Variants in SAMD5 observed in about 807,000 individuals in gnomAD.
The protein encoded by SAMD5 is sterile alpha motif domain containing 5, also known as sterile alpha motif domain-containing protein 5.
In SAMD5, 13 loss-of-function variants were observed where a neutral mutation model predicts 11.3. That is an observed-to-expected ratio of 1.15 (90% CI 0.75 to 1.83). The LOEUF (loss-of-function observed/expected upper bound fraction) is 1.83. Ranked by LOEUF, SAMD5 falls within the 40% of genes most tolerant of loss-of-function variation. The pLI is 0.00. For synonymous variants in SAMD5, 129 were observed against 111.3 expected, an observed-to-expected ratio of 1.16 and a Z score of -1.00; for missense variants, 255 against 239.1, an observed-to-expected ratio of 1.07 and a Z score of -0.44.
intron 1 of SAMD5, among the ~76,000 whole-genome samples, chr6:147,649,868 A>T (rs1790458497): frequency 6.6e-6 from 1 of 151,558 alleles, no homozygotes; most frequent in South Asian, 2.1e-4. Flanking sequence ...AACATGGCTC[A>T]GTGACCGCTC....
At chr6:147,887,591 G>A in the SAMD5 span, among the ~76,000 whole-genome samples, 5 of 152,024 alleles carry the variant, frequency 3.3e-5, no homozygotes, top group African/African-American at 7.3e-5. Context: ...ATGGACATTT[G>A]GGTTGATTCC....
chr6:147,774,653 A>C, the SAMD5 span, among the ~76,000 whole-genome samples: 1 of 151,856 alleles, frequency 6.6e-6, no homozygotes, highest in African/African-American at 2.4e-5. Flanking sequence ...AGTTGGTTGA[A>C]TCTGTGGTTG....
intron 1 of SAMD5, among the ~76,000 whole-genome samples, chr6:147,534,413 C>T (rs1340812572): frequency 6.6e-6 from 1 of 152,164 alleles, no homozygotes; most frequent in African/African-American, 2.4e-5. Flanking sequence ...CACCCAAGGG[C>T]TTTACCTTGC....
the SAMD5 span, among the ~76,000 whole-genome samples, chr6:147,791,641 A>G: frequency 6.6e-6 from 1 of 152,134 alleles, no homozygotes; most frequent in Non-Finnish European, 1.5e-5. Flanking sequence ...GTTTCATTGT[A>G]TTTTTGTATT....
chr6:147,562,086 G>C (rs1788959425), intron 1 of SAMD5, among the ~76,000 whole-genome samples: 1 of 152,208 alleles, frequency 6.6e-6, no homozygotes, highest in African/African-American at 2.4e-5. Flanking sequence ...AGAGGTTTTG[G>C]AGGCTGTTAG....
chr6:147,731,042 A>C (rs970220987), intron 1 of SAMD5, among the ~76,000 whole-genome samples: 1 of 152,232 alleles, frequency 6.6e-6, no homozygotes, highest in Non-Finnish European at 1.5e-5. Flanking sequence ...TCTTCTAAGC[A>C]CTTAAGTAAC....
chr6:147,520,787 G>A (rs1788241857), intron 1 of SAMD5, among the ~76,000 whole-genome samples: 1 of 152,126 alleles, frequency 6.6e-6, no homozygotes, highest in South Asian at 2.1e-4. Context: ...GCAGTGTGAT[G>A]TTTTGATATA....
the SAMD5 span, among the ~76,000 whole-genome samples, chr6:147,760,730 A>C: frequency 6.6e-6 from 1 of 152,210 alleles, no homozygotes; most frequent in East Asian, 1.9e-4. Context: ...AGTATCTAGA[A>C]GTGATCTGAG....
At chr6:147,890,000 C>T in the SAMD5 span, among the ~76,000 whole-genome samples, 2 of 152,134 alleles carry the variant, frequency 1.3e-5, no homozygotes, top group Admixed American at 6.5e-5. Flanking sequence ...CCTAGGAACC[C>T]ACTCTCTGCA....
At chr6:147,552,994 T>A (rs1788798564) in intron 1 of SAMD5, among the ~76,000 whole-genome samples, 1 of 152,188 alleles carries the variant, frequency 6.6e-6, no homozygotes, top group Non-Finnish European at 1.5e-5. Context: ...TATCTATGCC[T>A]CCTTAGGGGT....
At chr6:147,626,439 C>A (rs1583112528) in intron 1 of SAMD5, among the ~76,000 whole-genome samples, 1 of 150,398 alleles carries the variant, frequency 6.6e-6, no homozygotes, top group East Asian at 2.0e-4. Context: ...ATTTTCTGAT[C>A]TATGTTTTTG....
In SAMD5 at chr6:147,566,396, T is replaced by C. The variant is rs556063697; in HGVS notation, c.*1940T>C. The C allele has an allele frequency of 2.5e-5, 25 of 985,286 alleles. No individual in the cohort carries two copies. In the African/African-American group the frequency reaches 4.4e-4, roughly 17 times the overall value. 61.0% of individuals were successfully genotyped at this position (985,286 alleles called of 1,614,324 possible). ...AGATATAATTTATTGTGATAACAAA[T>C]GGCTTCCTGTTTGACCTCATTTCCA... On this transcript the variant is annotated 3_prime_UTR_variant, in exon 2 of 2. Transcript: ENST00000367474.
the SAMD5 span, among the ~76,000 whole-genome samples, chr6:147,859,392 T>C: frequency 1.3e-5 from 2 of 152,222 alleles, no homozygotes; most frequent in African/African-American, 2.4e-5. Flanking sequence ...TGACATCATG[T>C]GGCTTACAGA....
At chr6:147,728,641 C>T (rs1220020168) in intron 1 of SAMD5, among the ~76,000 whole-genome samples, 1 of 152,008 alleles carries the variant, frequency 6.6e-6, no homozygotes, top group South Asian at 2.1e-4. Context: ...CTTCAATAGA[C>T]AAACGAAAGA....
chr6:147,614,566 A>C (rs1255776739), intron 1 of SAMD5, among the ~76,000 whole-genome samples: 2 of 152,016 alleles, frequency 1.3e-5, no homozygotes, highest in Non-Finnish European at 2.9e-5. Flanking sequence ...AAAAGAAGCC[A>C]GACACAAAAG....
At chr6:147,822,549 G>T in the SAMD5 span, among the ~76,000 whole-genome samples, 4 of 152,172 alleles carry the variant, frequency 2.6e-5, no homozygotes, top group African/African-American at 7.2e-5. Flanking sequence ...CCATTGCAAG[G>T]TGTTCTGAAT....
intron 1 of SAMD5, among the ~76,000 whole-genome samples, chr6:147,679,443 A>G (rs1790910570): frequency 6.6e-6 from 1 of 152,080 alleles, no homozygotes; most frequent in Admixed American, 6.5e-5. Flanking sequence ...ATTTGTATAT[A>G]TTCTTTGGTG....
intron 1 of SAMD5, among the ~76,000 whole-genome samples, chr6:147,667,705 T>C (rs9373532): frequency 0.51 from 77,669 of 152,068 alleles, 20,680 homozygotes; most frequent in Admixed American, 0.6. Flanking sequence ...CAGAATACAG[T>C]TGGGCTTTCT....
At chr6:147,908,056 T>C in the SAMD5 span, among the ~76,000 whole-genome samples, 9 of 152,206 alleles carry the variant, frequency 5.9e-5, no homozygotes, top group Non-Finnish European at 1.0e-4. Flanking sequence ...GTTTTCTTCA[T>C]TGTTTCCTGA....
Sources: allele counts gnomAD v4.1 joint callset (sites outside exome capture counted in the v4.1 genomes callset), GRCh38; gene constraint gnomAD v4.1.1; transcripts MANE v1.5; gene names NCBI Gene and HGNC (gene_info 2026-07-23, HGNC 2026-07-21).